The following SOX6 variants were observed in gnomAD, a reference collection of about 807,000 sequenced individuals.
SOX6 encodes the protein transcription factor SOX-6.
In SOX6, 11 loss-of-function variants were observed where a neutral mutation model predicts 97.8. That is an observed-to-expected ratio of 0.11 (90% CI 0.07 to 0.19). The LOEUF is 0.19. Among genes scored for constraint, SOX6 ranks in the 10% least tolerant of loss-of-function variants. The probability of loss-of-function intolerance (pLI) is 1.00; values close to 1 mark genes in which losing one functional copy is unlikely to be tolerated. For synonymous variants in SOX6, 360 were observed against 371.4 expected, an observed-to-expected ratio of 0.97 and a Z score of 0.35; for missense variants, 810 against 1,039.5, an observed-to-expected ratio of 0.78 and a Z score of 3.04.
chr11:16,357,827 T>A (rs1351272259), upstream of SOX6, among the ~76,000 whole-genome samples: 2 of 152,158 alleles, frequency 1.3e-5, no homozygotes, highest in East Asian at 3.9e-4. Flanking sequence ...ATTTTAAACA[T>A]TCCTTTTAAA....
intron 4 of SOX6, among the ~76,000 whole-genome samples, chr11:16,210,400 T>C (rs1334755006): frequency 6.6e-6 from 1 of 152,138 alleles, no homozygotes. Flanking sequence ...AGACCACATA[T>C]ATAATTCCAT....
At chr11:16,196,878 G>C (rs1851794068) in intron 4 of SOX6, among the ~76,000 whole-genome samples, 2 of 138,946 alleles carry the variant, frequency 1.4e-5, no homozygotes, top group Non-Finnish European at 3.0e-5. Flanking sequence ...CTGTTACCCA[G>C]GCTGGAGTGC....
At chr11:16,184,524 A>C (rs763748412) in intron 5 of SOX6, among the ~76,000 whole-genome samples, 2 of 152,172 alleles carry the variant, frequency 1.3e-5, no homozygotes, top group Non-Finnish European at 2.9e-5. Flanking sequence ...AAAACAAATT[A>C]AGCTGTAATT....
chr11:16,092,416 C>T (rs1375432655), intron 9 of SOX6, among the ~76,000 whole-genome samples: 8 of 151,920 alleles, frequency 5.3e-5, no homozygotes, highest in East Asian at 3.9e-4. Context: ...CTGGCAGTGC[C>T]GCCAGTGACT....
intron 3 of SOX6, among the ~76,000 whole-genome samples, chr11:16,650,870 A>C (rs2134013094): frequency 6.6e-6 from 1 of 152,234 alleles, no homozygotes; most frequent in South Asian, 2.1e-4. Flanking sequence ...AAATTGATAG[A>C]CCATTAGCAA....
chr11:16,119,187 A>C (rs532044326), intron 6 of SOX6, among the ~76,000 whole-genome samples: 6 of 152,294 alleles, frequency 3.9e-5, no homozygotes, highest in Non-Finnish European at 8.8e-5. Flanking sequence ...AGAAAACTTA[A>C]AGGAAAAGCC....
intron 3 of SOX6, among the ~76,000 whole-genome samples, chr11:16,635,004 G>A (rs2133998667): frequency 6.6e-6 from 1 of 152,256 alleles, no homozygotes; most frequent in South Asian, 2.1e-4. Context: ...ATGATTGTTA[G>A]TTTCCTGAGG....
At chr11:16,293,049 C>T (rs1854962420) in intron 3 of SOX6, among the ~76,000 whole-genome samples, 1 of 151,954 alleles carries the variant, frequency 6.6e-6, no homozygotes, top group East Asian at 1.9e-4. Context: ...TAAATAGGCA[C>T]AAAGGAGAAA....
chr11:16,234,005 C>CAAAAA (rs751876773), intron 4 of SOX6, among the ~76,000 whole-genome samples: 9 of 55,372 alleles, frequency 1.6e-4, no homozygotes, highest in Non-Finnish European at 2.3e-4. Flanking sequence ...GACTGCATCT[C>CAAAAA]AAAAAAAAAA....
At chr11:16,305,360 G>C (rs1428792164) in intron 3 of SOX6, among the ~76,000 whole-genome samples, 2 of 152,134 alleles carry the variant, frequency 1.3e-5, no homozygotes, top group African/African-American at 4.8e-5. Flanking sequence ...CCTACAATAA[G>C]ATATCAGTAC....
At chr11:16,038,022 A>T (rs1398402597) in intron 12 of SOX6, among the ~76,000 whole-genome samples, 6 of 152,074 alleles carry the variant, frequency 3.9e-5, no homozygotes, top group African/African-American at 1.2e-4. Flanking sequence ...AAATATTAAA[A>T]TTTTTTTTAA....
At chr11:16,329,027 C>T (rs1346667495) in intron 2 of SOX6, among the ~76,000 whole-genome samples, 3 of 151,836 alleles carry the variant, frequency 2.0e-5, no homozygotes, top group Non-Finnish European at 4.4e-5. Context: ...CTGATATTTG[C>T]TAGTATATTA....
intron 3 of SOX6, among the ~76,000 whole-genome samples, chr11:16,259,973 G>GTGTGTGTGTGTGTGTGTGTA (rs71044090): frequency 6.9e-6 from 1 of 145,168 alleles, no homozygotes; most frequent in African/African-American, 2.5e-5. Flanking sequence ...GTGTGTGTGT[G>GTGTGTGTGTGTGTGTGTGTA]TATATATACA....
chr11:16,626,464 C>T (rs1175762248), intron 3 of SOX6, among the ~76,000 whole-genome samples: 1 of 152,180 alleles, frequency 6.6e-6, no homozygotes, highest in Non-Finnish European at 1.5e-5. Flanking sequence ...TACACTAAGT[C>T]TTGAAGTCAG....
rs923018975 is a variant in SOX6, at chr11:16,613,572, G to C, written n.430-1312C>G. ...GCGTCCCAAACGGGTTCGGCCAAGG[G>C]TTTCCACCCCATCACCACTTCCCGC... On this transcript the variant is annotated intron_variant and non_coding_transcript_variant, in intron 3 of 5. Coordinates refer to the SOX6 transcript ENST00000524520. This position sits in a 1 kb window ranked among gnomAD's most constrained non-coding sequence, Gnocchi z 4.6. Among the ~76,000 whole-genome samples the C allele has an allele frequency of 2.6e-5, 4 of 151,904 alleles. No homozygotes were observed. In the East Asian group the frequency reaches 5.8e-4, roughly 22 times the overall value.
rs115752160 is a variant in SOX6 at position 16,101,936 on chromosome 11, A to G, written c.899-4248T>C. Among the ~76,000 whole-genome samples the G allele has an allele frequency of 5.5e-3, 841 of 152,014 alleles. 12 individuals are homozygous for G. Among genetic ancestry groups the G allele is most frequent in the African/African-American group, 0.019 (776 of 41,526 alleles). ...ACAGCGAACATTATAGTGAATGAGA[A>G]AGAGTTGAAAGCATTCTCCCTAAAA... On this transcript the variant is annotated intron_variant, in intron 7 of 15. Coordinates refer to ENST00000683767, the MANE Select transcript of SOX6 (RefSeq NM_001367873.1).
chr11:16,132,444 A>AG (rs1554934020), intron 6 of SOX6, among the ~76,000 whole-genome samples: 2,197 of 26,622 alleles, frequency 0.083, 227 homozygotes, highest in African/African-American at 0.11. Flanking sequence ...AAAGAAAGAA[A>AG]AAAGAAAGAA....
intron 1 of SOX6, among the ~76,000 whole-genome samples, chr11:16,427,537 T>C (rs1311050167): frequency 6.6e-6 from 1 of 151,520 alleles, no homozygotes; most frequent in Admixed American, 6.6e-5. Flanking sequence ...TGTCCATGTG[T>C]TCTCATTGTT....
chr11:16,486,893 A>T (rs1440766954), intron 4 of SOX6, among the ~76,000 whole-genome samples: 5 of 151,878 alleles, frequency 3.3e-5, no homozygotes, highest in African/African-American at 4.8e-5. Flanking sequence ...GTATAATAAT[A>T]ATAAAATAAA....
Sources: gnomAD v4.1 joint callset for allele counts (sites outside exome capture counted in the v4.1 genomes callset) on GRCh38, gnomAD v4.1.1 for gene constraint, Gnocchi (gnomAD v3.1) non-coding constraint, MANE v1.5 for transcripts, NCBI Gene and HGNC (gene_info 2026-07-23, HGNC 2026-07-21) for gene names.